The following GPC5 variants were observed in gnomAD, a reference collection of about 807,000 sequenced individuals.
GPC5 encodes the protein glypican 5, also known as glypican-5.
GPC5 carries 47 observed loss-of-function variants against 53.9 expected under a neutral mutation model. The ratio of observed to expected loss-of-function variants is 0.87; its 90% CI spans 0.69 to 1.11. The LOEUF (loss-of-function observed/expected upper bound fraction) is 1.11, where lower values mean the gene tolerates loss of function less well. Ranked by LOEUF, GPC5 falls within the 50% of genes most tolerant of loss-of-function variation. The pLI is 0.00. For synonymous variants in GPC5, 286 were observed against 263.3 expected, an observed-to-expected ratio of 1.09 and a Z score of -0.84; for missense variants, 748 against 713.1, an observed-to-expected ratio of 1.05 and a Z score of -0.56.
At chr13:91,860,150 A>G (rs2138909505) in intron 5 of GPC5, among the ~76,000 whole-genome samples, 1 of 152,274 alleles carries the variant, frequency 6.6e-6, no homozygotes, top group Non-Finnish European at 1.5e-5. Flanking sequence ...AGTAGTATAG[A>G]GCATTAGAAC....
intron 6 of GPC5, among the ~76,000 whole-genome samples, chr13:91,948,445 T>TGG (rs2039995732): frequency 6.6e-6 from 1 of 152,044 alleles, no homozygotes; most frequent in African/African-American, 2.4e-5. Flanking sequence ...GGCACTGTTT[T>TGG]GGGCTGGGGA....
At chr13:92,540,043 T>G (rs1344363996) in intron 7 of GPC5, among the ~76,000 whole-genome samples, 3 of 152,008 alleles carry the variant, frequency 2.0e-5, no homozygotes, top group African/African-American at 7.2e-5. Flanking sequence ...AGTTTTAGAT[T>G]AACTGACTTT....
intron 7 of GPC5, among the ~76,000 whole-genome samples, chr13:92,493,769 C>T (rs572751250): frequency 1.3e-5 from 2 of 152,254 alleles, no homozygotes; most frequent in South Asian, 4.1e-4. Flanking sequence ...AAGATCCAGA[C>T]GTAGCGCTAG....
At chr13:92,258,589 A>G in intron 7 of GPC5, among the ~76,000 whole-genome samples, 1 of 152,180 alleles carries the variant, frequency 6.6e-6, no homozygotes, top group Non-Finnish European at 1.5e-5. Flanking sequence ...TTTCTATAAG[A>G]TAGCTCTAAA....
At chr13:91,499,811 A>G (rs1884516583) in intron 2 of GPC5, among the ~76,000 whole-genome samples, 1 of 152,212 alleles carries the variant, frequency 6.6e-6, no homozygotes, top group African/African-American at 2.4e-5. Flanking sequence ...ACCTCAATCT[A>G]AAACAGATAC....
intron 1 of GPC5, among the ~76,000 whole-genome samples, chr13:91,439,592 GT>G (rs1006432749): frequency 4.6e-5 from 7 of 151,898 alleles, no homozygotes; most frequent in Admixed American, 6.6e-5. Context: ...GCTGAATTCT[GT>G]TTTTTTTCCT....
At chr13:91,643,705 C>T (rs1213128642) in intron 2 of GPC5, among the ~76,000 whole-genome samples, 3 of 152,130 alleles carry the variant, frequency 2.0e-5, no homozygotes, top group East Asian at 1.9e-4. Flanking sequence ...CTGGCAATGG[C>T]ATTCCTCGGC....
At chr13:91,575,175 T>A (rs184356632) in intron 2 of GPC5, among the ~76,000 whole-genome samples, 67 of 152,308 alleles carry the variant, frequency 4.4e-4, no homozygotes, top group African/African-American at 1.6e-3. Context: ...CCATCTCAAA[T>A]CCTATAACCT....
At chr13:91,723,856 C>A (rs1360393320) in intron 3 of GPC5, among the ~76,000 whole-genome samples, 1 of 152,168 alleles carries the variant, frequency 6.6e-6, no homozygotes, top group Admixed American at 6.5e-5. Context: ...AAATCCAAAT[C>A]TAATGTATCT....
In GPC5 at chr13:91,732,758, G is replaced by A. The variant is rs186151964; in HGVS notation, c.1154+4093G>A. Among the ~76,000 whole-genome samples the A allele has an allele frequency of 2.1e-3, 321 of 152,204 alleles. 1 individual carries two copies. Among genetic ancestry groups the A allele is most frequent in the African/African-American group, 7.5e-3 (311 of 41,536 alleles). On this transcript the variant is annotated intron_variant, in intron 4 of 7. Transcript: ENST00000377067. ...TGCATATTGTTAGCCAGTTTTCCCA[G>A]CACCTTTTATTAAATAGGGAATCCT... is the stretch of plus-strand genomic sequence containing the variant.
intron 2 of GPC5, among the ~76,000 whole-genome samples, chr13:91,644,659 A>T (rs1350639571): frequency 6.6e-6 from 1 of 152,074 alleles, no homozygotes; most frequent in Non-Finnish European, 1.5e-5. Flanking sequence ...TATATGTTTG[A>T]TGGCAGAGCA....
chr13:92,520,444 A>C (rs1880995604), intron 7 of GPC5, among the ~76,000 whole-genome samples: 3 of 152,134 alleles, frequency 2.0e-5, no homozygotes, highest in Admixed American at 2.0e-4. Context: ...GATCAAGTGC[A>C]CTTCATCCCT....
At chr13:91,560,772 A>T (rs1255825405) in intron 2 of GPC5, among the ~76,000 whole-genome samples, 2 of 149,986 alleles carry the variant, frequency 1.3e-5, no homozygotes, top group Non-Finnish European at 2.9e-5. Flanking sequence ...TAGGAAAAAA[A>T]ATTAATGTTA....
chr13:91,751,099 A>T (rs775862296), intron 4 of GPC5, among the ~76,000 whole-genome samples: 3 of 152,170 alleles, frequency 2.0e-5, no homozygotes. Flanking sequence ...GCATTTTGCA[A>T]CACTTCTCAT....
intron 1 of GPC5, among the ~76,000 whole-genome samples, chr13:91,400,509 G>A (rs959912813): frequency 6.6e-6 from 1 of 152,128 alleles, no homozygotes; most frequent in Non-Finnish European, 1.5e-5. Context: ...TCGCCTTATA[G>A]ATCTGTATTT....
At chr13:92,279,864 T>C (rs2042901720) in intron 7 of GPC5, among the ~76,000 whole-genome samples, 1 of 152,144 alleles carries the variant, frequency 6.6e-6, no homozygotes, top group African/African-American at 2.4e-5. Context: ...GAAATATTTT[T>C]CTGTAGTTTT....
intron 7 of GPC5, among the ~76,000 whole-genome samples, chr13:92,242,164 C>T (rs997600334): frequency 1.4e-5 from 2 of 146,980 alleles, no homozygotes. Flanking sequence ...ACCCAGGAGG[C>T]GGAGGTTGCA....
chr13:92,725,967 A>T (rs903894379), intron 7 of GPC5, among the ~76,000 whole-genome samples: 3 of 151,594 alleles, frequency 2.0e-5, no homozygotes, highest in African/African-American at 7.3e-5. Context: ...GAAATGACTG[A>T]ACTGTATCAG....
At chr13:91,497,728 A>T (rs1282715669) in intron 2 of GPC5, among the ~76,000 whole-genome samples, 2 of 152,196 alleles carry the variant, frequency 1.3e-5, no homozygotes, top group Admixed American at 6.5e-5. Flanking sequence ...GCTTGATGGT[A>T]TCAACATGAG....
Sources: allele counts gnomAD v4.1 joint callset (sites outside exome capture counted in the v4.1 genomes callset), GRCh38; gene constraint gnomAD v4.1.1; transcripts MANE v1.5; gene names NCBI Gene and HGNC (gene_info 2026-07-23, HGNC 2026-07-21).